ATP6V0E1: variants seen among roughly 807,000 people sequenced by gnomAD.
ATP6V0E1 encodes the protein ATPase H+ transporting V0 subunit e1.
In ATP6V0E1, 4 loss-of-function variants were observed where a neutral mutation model predicts 11.6. The observed-to-expected ratio is 0.35, with a 90% CI of 0.17 to 0.79. The LOEUF is 0.79. Ranked by LOEUF, ATP6V0E1 falls within the 30% of genes least tolerant of loss-of-function variation. ATP6V0E1 has a pLI of 0.54. For synonymous variants in ATP6V0E1, 36 were observed against 34.8 expected (o/e 1.04, Z -0.13); for missense variants, 105 against 100.0 (o/e 1.05, Z -0.21).
intron 2 of ATP6V0E1, among the ~76,000 whole-genome samples, chr5:173,019,129 A>AT (rs1756443606): frequency 6.6e-6 from 1 of 152,008 alleles, no homozygotes; most frequent in Non-Finnish European, 1.5e-5. Flanking sequence ...AATTTTTAAA[A>AT]TTTTTTTATA....
chr5:172,998,040 G>C (rs1297616090), intron 2 of ATP6V0E1, among the ~76,000 whole-genome samples: 4 of 151,900 alleles, frequency 2.6e-5, no homozygotes, highest in African/African-American at 9.7e-5. Context: ...GCCCGGGGAA[G>C]TCAAGGCTAC....
chr5:173,012,570 C>G (rs193188781), intron 2 of ATP6V0E1, among the ~76,000 whole-genome samples: 2 of 151,316 alleles, frequency 1.3e-5, no homozygotes, highest in East Asian at 4.0e-4. Flanking sequence ...CTGACCAATA[C>G]GCAGAAACCC....
intron 2 of ATP6V0E1, among the ~76,000 whole-genome samples, chr5:173,013,690 G>A (rs1756364919): frequency 6.6e-6 from 1 of 151,820 alleles, no homozygotes; most frequent in African/African-American, 2.4e-5. Flanking sequence ...CAACTTAACA[G>A]TTAAACAAAT....
chr5:172,996,872 A>G (rs1561769063), intron 2 of ATP6V0E1, among the ~76,000 whole-genome samples: 2 of 152,228 alleles, frequency 1.3e-5, no homozygotes, highest in Admixed American at 6.5e-5. Flanking sequence ...TCTTTAAACA[A>G]TTGCCAAGAC....
At chr5:173,018,314 C>T (rs916371104) in intron 2 of ATP6V0E1, among the ~76,000 whole-genome samples, 9 of 152,050 alleles carry the variant, frequency 5.9e-5, no homozygotes, top group Admixed American at 6.6e-5. Flanking sequence ...AGTGGATGAG[C>T]ATAAAGGTCT....
intron 3 of ATP6V0E1, among the ~76,000 whole-genome samples, chr5:173,031,530 G>T (rs1756652407): frequency 6.6e-6 from 1 of 150,682 alleles, no homozygotes; most frequent in South Asian, 2.1e-4. Flanking sequence ...AAGAATACAG[G>T]CTTCCTGGCC....
At chr5:173,003,067 A>T (rs1244776036) in intron 2 of ATP6V0E1, among the ~76,000 whole-genome samples, 1 of 151,908 alleles carries the variant, frequency 6.6e-6, no homozygotes, top group Non-Finnish European at 1.5e-5. Flanking sequence ...CTGGCAGGGT[A>T]ATGTTGGGCT....
chr5:173,018,813 TA>T (rs1441893191), intron 2 of ATP6V0E1, among the ~76,000 whole-genome samples: 1 of 152,220 alleles, frequency 6.6e-6, no homozygotes, highest in East Asian at 1.9e-4. Flanking sequence ...GACATTTGCA[TA>T]TTTTTTTGTT....
intron 3 of ATP6V0E1, among the ~76,000 whole-genome samples, chr5:173,032,244 TTTTATTTTATTTATTTATTTA>T (rs1175294359): frequency 1.3e-4 from 2 of 15,554 alleles, no homozygotes; most frequent in African/African-American, 6.0e-4. Flanking sequence ...TTTACTTTTA[TTTTATTTTATTTATTTATTTA>T]TTTATTTATT....
chr5:173,025,766 G>A lies in ATP6V0E1; in HGVS notation c.*36+5399G>A, dbSNP rs148220463. On this transcript the variant is annotated intron_variant, in intron 3 of 3. Coordinates refer to ENST00000519374, the MANE Select transcript of ATP6V0E1 (RefSeq NM_003945.4). ...AACTGCCTTGGCCTCCTAAAGTGCT[G>A]GGATTACAGGTGTGGGCCTCCATGC... Among the ~76,000 whole-genome samples the A allele has an allele frequency of 2.1e-3, 316 of 151,976 alleles. 7 individuals are homozygous for A. In the East Asian group the frequency reaches 0.041, roughly 20 times the overall value.
At chr5:173,005,515 G>C (rs1756216079) in intron 2 of ATP6V0E1, among the ~76,000 whole-genome samples, 2 of 152,132 alleles carry the variant, frequency 1.3e-5, no homozygotes. Context: ...CACCTAGTAT[G>C]TCTCTTGTTA....
chr5:173,015,386 G>A (rs1485770993), intron 2 of ATP6V0E1, among the ~76,000 whole-genome samples: 1 of 152,180 alleles, frequency 6.6e-6, no homozygotes, highest in African/African-American at 2.4e-5. Context: ...GTCTTTGTAT[G>A]CTAATGAGTT....
chr5:173,030,921 G>GTATTTATTTATTTATT lies in ATP6V0E1; in HGVS notation c.*37-3452_*37-3437dup, dbSNP rs33921331. ...GCACCACCATGCTTGGCTAATTTTT[G>GTATTTATTTATTTATT]TATTTATTTATTTATTTATTTATTT... On this transcript the variant is annotated intron_variant, in intron 3 of 3. Transcript: ENST00000519374. 3.2e-4 allele frequency among the ~76,000 whole-genome samples: 46 copies of GTATTTATTTATTTATT among 141,906 alleles called. 1 individual carries two copies. The highest frequency in any genetic ancestry group is 6.4e-4 in the East Asian group (3 of 4,716). The allele number at this position is 141,906 out of a possible 152,430, so 93.1% of individuals were successfully genotyped here.
chr5:173,022,074 T>G (rs1159559509), intron 3 of ATP6V0E1, among the ~76,000 whole-genome samples: 1 of 152,220 alleles, frequency 6.6e-6, no homozygotes, highest in Admixed American at 6.5e-5. Context: ...AGCTTCTATT[T>G]GTCCTGAGGG....
chr5:173,001,370 A>G (rs1183031441), intron 2 of ATP6V0E1, among the ~76,000 whole-genome samples: 1 of 152,124 alleles, frequency 6.6e-6, no homozygotes, highest in Non-Finnish European at 1.5e-5. Flanking sequence ...CTACTCAGTT[A>G]TGACCTCAGA....
intron 2 of ATP6V0E1, among the ~76,000 whole-genome samples, chr5:173,008,302 C>CTTT (rs1219833765): frequency 3.8e-5 from 5 of 132,514 alleles, no homozygotes; most frequent in African/African-American, 8.3e-5. Context: ...CTTTTCTTTT[C>CTTT]TTTTTTTTTT....
chr5:172,993,334 C>G (rs1756012652), intron 1 of ATP6V0E1, among the ~76,000 whole-genome samples: 1 of 151,750 alleles, frequency 6.6e-6, no homozygotes, highest in South Asian at 2.1e-4. Context: ...CATGGCAAAA[C>G]CCCATCTCTA....
chr5:173,012,970 C>T (rs989630607), intron 2 of ATP6V0E1, among the ~76,000 whole-genome samples: 1 of 151,346 alleles, frequency 6.6e-6, no homozygotes, highest in Non-Finnish European at 1.5e-5. Context: ...CCCAGGAATT[C>T]GAGACCAGCT....
chr5:172,992,286 C>T (rs1290698889), intron 1 of ATP6V0E1, among the ~76,000 whole-genome samples: 1 of 152,196 alleles, frequency 6.6e-6, no homozygotes, highest in African/African-American at 2.4e-5. Context: ...CTCTTGACCT[C>T]GTGATCTGCC....
Sources: gnomAD v4.1 joint callset for allele counts (sites outside exome capture counted in the v4.1 genomes callset) on GRCh38, gnomAD v4.1.1 for gene constraint, MANE v1.5 for transcripts, NCBI Gene and HGNC (gene_info 2026-07-23, HGNC 2026-07-21) for gene names.